The following UVRAG variants were observed in gnomAD, a reference collection of about 807,000 sequenced individuals.
UVRAG encodes the protein UV radiation resistance-associated gene protein.
UVRAG carries 19 observed loss-of-function variants against 78.0 expected under a neutral mutation model. The ratio of observed to expected loss-of-function variants is 0.24; its 90% CI spans 0.17 to 0.36. The LOEUF (loss-of-function observed/expected upper bound fraction) is 0.36. UVRAG is among the 10% of genes least tolerant of loss of function. The probability of loss-of-function intolerance (pLI) is 1.00; values close to 1 mark genes in which losing one functional copy is unlikely to be tolerated. For synonymous variants in UVRAG, 323 were observed against 324.6 expected (o/e 1.00, Z 0.05); for missense variants, 740 against 853.8 (o/e 0.87, Z 1.66).
At chr11:75,975,350 C>G (rs1234825833) in intron 7 of UVRAG, among the ~76,000 whole-genome samples, 1 of 152,158 alleles carries the variant, frequency 6.6e-6, no homozygotes, top group Non-Finnish European at 1.5e-5. Flanking sequence ...GCAATGCGGG[C>G]TCTTTTTTGG....
At chr11:76,006,828 A>G (rs1301071006) in intron 9 of UVRAG, among the ~76,000 whole-genome samples, 1 of 152,162 alleles carries the variant, frequency 6.6e-6, no homozygotes, top group East Asian at 1.9e-4. Context: ...AGGAAATACC[A>G]TCCAGATCTT....
At chr11:75,902,113 A>G (rs113549289) in intron 5 of UVRAG, among the ~76,000 whole-genome samples, 21 of 152,342 alleles carry the variant, frequency 1.4e-4, no homozygotes, top group Non-Finnish European at 2.9e-4. Context: ...AATCCAGTAC[A>G]TTCTTGTCAA....
intron 6 of UVRAG, among the ~76,000 whole-genome samples, chr11:75,919,365 A>G (rs1380597498): frequency 6.6e-6 from 1 of 152,220 alleles, no homozygotes; most frequent in Admixed American, 6.5e-5. Flanking sequence ...AATAGAGACT[A>G]GGCTCTTACC....
intron 12 of UVRAG, among the ~76,000 whole-genome samples, chr11:76,037,693 AAG>A (rs1950562402): frequency 6.6e-6 from 1 of 152,220 alleles, no homozygotes; most frequent in African/African-American, 2.4e-5. Flanking sequence ...GACTGGGTGA[AAG>A]AGCAAGACCC....
intron 1 of UVRAG, among the ~76,000 whole-genome samples, chr11:75,829,457 C>T (rs1945606112): frequency 6.6e-6 from 1 of 152,140 alleles, no homozygotes; most frequent in Non-Finnish European, 1.5e-5. Flanking sequence ...AACTATGACC[C>T]ATTTTGTTTG....
At chr11:76,121,776 C>A (rs1952281500) in intron 14 of UVRAG, among the ~76,000 whole-genome samples, 1 of 152,234 alleles carries the variant, frequency 6.6e-6, no homozygotes, top group African/African-American at 2.4e-5. Flanking sequence ...CCTGCCCCTT[C>A]CTCTGCCCTA....
At chr11:76,025,763 T>G (rs2135389220) in intron 12 of UVRAG, among the ~76,000 whole-genome samples, 1 of 152,258 alleles carries the variant, frequency 6.6e-6, no homozygotes, top group African/African-American at 2.4e-5. Context: ...TGGGCCAAGA[T>G]CATAGTCATT....
chr11:75,829,328 T>C (rs1282038718), intron 1 of UVRAG, among the ~76,000 whole-genome samples: 1 of 152,220 alleles, frequency 6.6e-6, no homozygotes, highest in Non-Finnish European at 1.5e-5. Flanking sequence ...GAAAGCTGCT[T>C]CTCATGTATA....
At chr11:75,832,809 G>T (rs2135825066) in intron 1 of UVRAG, among the ~76,000 whole-genome samples, 1 of 152,300 alleles carries the variant, frequency 6.6e-6, no homozygotes, top group Non-Finnish European at 1.5e-5. Flanking sequence ...GCATGCAAAA[G>T]ACACTTATCA....
chr11:75,899,314 A>G (rs930974593), intron 5 of UVRAG, among the ~76,000 whole-genome samples: 3 of 152,170 alleles, frequency 2.0e-5, no homozygotes, highest in Admixed American at 2.0e-4. Flanking sequence ...TATTTATTTT[A>G]TTTTTAAATA....
At chr11:75,972,440 C>T (rs1387736265) in intron 7 of UVRAG, among the ~76,000 whole-genome samples, 3 of 152,120 alleles carry the variant, frequency 2.0e-5, no homozygotes, top group East Asian at 3.9e-4. Flanking sequence ...CTCGCACTCA[C>T]TCTGTTTCTT....
intron 13 of UVRAG, among the ~76,000 whole-genome samples, chr11:76,088,179 C>T (rs1045371581): frequency 2.0e-5 from 3 of 152,156 alleles, no homozygotes; most frequent in Non-Finnish European, 4.4e-5. Flanking sequence ...CCACATCCAG[C>T]CCCATTTGTG....
intron 6 of UVRAG, among the ~76,000 whole-genome samples, chr11:75,946,063 C>G (rs1294605719): frequency 2.6e-5 from 4 of 152,118 alleles, no homozygotes; most frequent in Non-Finnish European, 4.4e-5. Context: ...AGATAATGCT[C>G]TGATCTCTGT....
intron 12 of UVRAG, among the ~76,000 whole-genome samples, chr11:76,028,134 A>G (rs1036354535): frequency 1.3e-5 from 2 of 152,072 alleles, no homozygotes; most frequent in South Asian, 2.1e-4. Flanking sequence ...CATTATTATT[A>G]TATCTATTGT....
intron 12 of UVRAG, among the ~76,000 whole-genome samples, chr11:76,020,649 CTTTT>C (rs35112254): frequency 1.1e-4 from 6 of 52,280 alleles, no homozygotes; most frequent in Admixed American, 4.1e-4. Context: ...AAGAAGGAGT[CTTTT>C]TTTTTTTTTT....
intron 11 of UVRAG, among the ~76,000 whole-genome samples, chr11:76,012,272 GAATT>G (rs1036146417): frequency 4.7e-5 from 7 of 149,666 alleles, no homozygotes; most frequent in African/African-American, 1.7e-4. Flanking sequence ...ACAACTGTGA[GAATT>G]AATTCCATCT....
intron 1 of UVRAG, among the ~76,000 whole-genome samples, chr11:75,834,228 A>G (rs1256467414): frequency 6.6e-6 from 1 of 152,026 alleles, no homozygotes; most frequent in African/African-American, 2.4e-5. Context: ...TTTAAATGTC[A>G]CTAGCATAAT....
chr11:75,922,974 A>ATATATAT (rs1565381330), intron 6 of UVRAG, among the ~76,000 whole-genome samples: 25 of 146,944 alleles, frequency 1.7e-4, no homozygotes, highest in African/African-American at 6.0e-4. Context: ...TATATATATA[A>ATATATAT]GAAAAAAATA....
intron 6 of UVRAG, among the ~76,000 whole-genome samples, chr11:75,943,054 C>T (rs1401461691): frequency 1.3e-5 from 2 of 152,022 alleles, no homozygotes; most frequent in African/African-American, 4.8e-5. Flanking sequence ...GAGCGAGATC[C>T]TGTCTCTAAA....
Sources: gnomAD v4.1 joint callset for allele counts (sites outside exome capture counted in the v4.1 genomes callset) on GRCh38, gnomAD v4.1.1 for gene constraint, MANE v1.5 for transcripts, NCBI Gene and HGNC (gene_info 2026-07-23, HGNC 2026-07-21) for gene names.